The following ENTREP2 variants were observed in gnomAD, a reference collection of about 807,000 sequenced individuals.
ENTREP2 encodes endosomal transmembrane epsin interactor 2, also known as protein ENTREP2.
At chr15:29,134,004 G>A in the ENTREP2 span, among the ~76,000 whole-genome samples, 2 of 151,912 alleles carry the variant, frequency 1.3e-5, no homozygotes, top group South Asian at 2.1e-4. Context: ...CCTGCACCTC[G>A]CATGCCTGAT....
chr15:29,631,596 G>A, the ENTREP2 span, among the ~76,000 whole-genome samples: 1 of 152,242 alleles, frequency 6.6e-6, no homozygotes, highest in African/African-American at 2.4e-5. Flanking sequence ...CTTTTGATGT[G>A]TTGAACTGGT....
the ENTREP2 span, among the ~76,000 whole-genome samples, chr15:29,607,125 A>C: frequency 2.0e-5 from 3 of 152,162 alleles, no homozygotes; most frequent in Non-Finnish European, 4.4e-5. Context: ...GAGCCACCGC[A>C]TTCACATTTC....
At chr15:29,666,372 T>G in the ENTREP2 span, among the ~76,000 whole-genome samples, 1 of 151,980 alleles carries the variant, frequency 6.6e-6, no homozygotes, top group East Asian at 1.9e-4. Flanking sequence ...GCAATATTAC[T>G]GGGTCTGCTT....
chr15:29,657,052 G>C, the ENTREP2 span, among the ~76,000 whole-genome samples: 2 of 152,052 alleles, frequency 1.3e-5, no homozygotes, highest in Non-Finnish European at 1.5e-5. Context: ...GAGTGTTACA[G>C]CTCTTTTCTT....
chr15:29,479,725 T>C, the ENTREP2 span, among the ~76,000 whole-genome samples: 1 of 151,110 alleles, frequency 6.6e-6, no homozygotes, highest in African/African-American at 2.4e-5. Context: ...GGACCTAGAA[T>C]AAGCTGTTCT....
the ENTREP2 span, among the ~76,000 whole-genome samples, chr15:29,304,386 T>G: frequency 0.11 from 16,505 of 152,098 alleles, 972 homozygotes; most frequent in Middle Eastern, 0.16. Flanking sequence ...GACCACACAA[T>G]CAGCCATGAA....
At chr15:29,172,730 C>T in the ENTREP2 span, among the ~76,000 whole-genome samples, 3 of 152,132 alleles carry the variant, frequency 2.0e-5, no homozygotes, top group African/African-American at 7.2e-5. Flanking sequence ...TCATCCCACA[C>T]ACCCCACATC....
chr15:29,135,614 C>A, the ENTREP2 span, among the ~76,000 whole-genome samples: 1 of 152,144 alleles, frequency 6.6e-6, no homozygotes, highest in Non-Finnish European at 1.5e-5. The surrounding 1 kb of genome is among the most constrained non-coding windows in gnomAD (Gnocchi z 7.4). Context: ...GGCTCCATTA[C>A]GGACAACATC....
chr15:29,504,658 C>T, the ENTREP2 span, among the ~76,000 whole-genome samples: 1 of 152,174 alleles, frequency 6.6e-6, no homozygotes, highest in Non-Finnish European at 1.5e-5. Flanking sequence ...ACTCTCTGAC[C>T]TTTTCTATTT....
chr15:29,277,336 C>T, the ENTREP2 span, among the ~76,000 whole-genome samples: 2 of 147,856 alleles, frequency 1.4e-5, no homozygotes, highest in Non-Finnish European at 3.0e-5. Flanking sequence ...AGCAAGACTC[C>T]GTCTCAAAGA....
chr15:29,395,048 G>A, the ENTREP2 span, among the ~76,000 whole-genome samples: 4 of 139,698 alleles, frequency 2.9e-5, no homozygotes, highest in African/African-American at 5.0e-5. Context: ...CACCACGCCC[G>A]GCTACTTTTT....
chr15:29,403,137 C>G, the ENTREP2 span, among the ~76,000 whole-genome samples: 2 of 152,052 alleles, frequency 1.3e-5, no homozygotes, highest in Non-Finnish European at 2.9e-5. Flanking sequence ...AGGGGAGGGA[C>G]GGGGCCTGAT....
chr15:29,648,575 G>C, the ENTREP2 span, among the ~76,000 whole-genome samples: 1 of 152,194 alleles, frequency 6.6e-6, no homozygotes, highest in Non-Finnish European at 1.5e-5. Context: ...TTCTCCTAGA[G>C]AATCTGCAGC....
the ENTREP2 span, among the ~76,000 whole-genome samples, chr15:29,379,238 T>C: frequency 1.3e-5 from 2 of 152,210 alleles, no homozygotes; most frequent in African/African-American, 4.8e-5. Flanking sequence ...CTAGGGTTCC[T>C]TTTCTGTTCT....
chr15:29,426,759 T>A, the ENTREP2 span, among the ~76,000 whole-genome samples: 1 of 152,234 alleles, frequency 6.6e-6, no homozygotes. Context: ...ATTCCATTTC[T>A]CTGTTTCACT....
chr15:29,318,218 TC>T, the ENTREP2 span, among the ~76,000 whole-genome samples: 6 of 152,352 alleles, frequency 3.9e-5, no homozygotes, highest in South Asian at 2.1e-4. Context: ...AAGGTGCAAG[TC>T]TATCAGCATC....
the ENTREP2 span, chr15:29,118,322 T>C: frequency 6.6e-6 from 1 of 152,336 alleles, no homozygotes; most frequent in Non-Finnish European, 1.5e-5. Context: ...AAAAGCCGTG[T>C]GTGTGACTGG....
At chr15:29,369,785 T>C in the ENTREP2 span, among the ~76,000 whole-genome samples, 2 of 152,392 alleles carry the variant, frequency 1.3e-5, no homozygotes, top group Non-Finnish European at 2.9e-5. Flanking sequence ...TTGGAGGTGG[T>C]GTCTTTAAGA....
chr15:29,274,242 A>G, the ENTREP2 span, among the ~76,000 whole-genome samples: 1 of 152,150 alleles, frequency 6.6e-6, no homozygotes, highest in African/African-American at 2.4e-5. Context: ...GACTTCATTT[A>G]ATCCCCACAA....
Sources: allele counts gnomAD v4.1 joint callset (sites outside exome capture counted in the v4.1 genomes callset), GRCh38; gene constraint gnomAD v4.1.1; non-coding constraint Gnocchi (gnomAD v3.1); transcripts MANE v1.5; gene names NCBI Gene and HGNC (gene_info 2026-07-23, HGNC 2026-07-21).